Variants in BLTP3B observed in about 807,000 individuals in gnomAD.
The protein encoded by BLTP3B is UHRF1 (ICBP90) binding protein 1-like.
the BLTP3B span, among the ~76,000 whole-genome samples, chr12:100,112,858 CAAAAA>C: frequency 8.3e-5 from 5 of 60,592 alleles, no homozygotes; most frequent in Non-Finnish European, 1.4e-4. Context: ...GACTCCATCT[CAAAAA>C]AAAAAAAAAA....
chr12:100,060,614 A>G, the BLTP3B span, among the ~76,000 whole-genome samples: 1 of 152,320 alleles, frequency 6.6e-6, no homozygotes, highest in Non-Finnish European at 1.5e-5. Context: ...GGCCTATAAT[A>G]GTGCTTGGAG....
At chr12:100,039,479 C>T in the BLTP3B span, 89 of 1,104,044 alleles carry the variant, frequency 8.1e-5, 2 homozygotes, top group South Asian at 1.6e-3. Context: ...CACCTGGGCA[C>T]AATAACAAGC....
the BLTP3B span, among the ~76,000 whole-genome samples, chr12:100,099,012 C>G: frequency 6.8e-6 from 1 of 146,648 alleles, no homozygotes; most frequent in African/African-American, 2.5e-5. Context: ...TTTTTTTTCC[C>G]TAAGAGTCTC....
the BLTP3B span, chr12:100,108,523 T>C: frequency 6.2e-7 from 1 of 1,607,974 alleles, no homozygotes; most frequent in Non-Finnish European, 8.5e-7. Flanking sequence ...AGATTTATCT[T>C]GTCAGGAGAT....
the BLTP3B span, among the ~76,000 whole-genome samples, chr12:100,064,212 A>G: frequency 6.6e-6 from 1 of 152,204 alleles, no homozygotes; most frequent in South Asian, 2.1e-4. Flanking sequence ...AAGGTCTTTG[A>G]ATTAACCCAA....
At chr12:100,135,144 C>G in the BLTP3B span, among the ~76,000 whole-genome samples, 1 of 152,198 alleles carries the variant, frequency 6.6e-6, no homozygotes, top group Non-Finnish European at 1.5e-5. Flanking sequence ...TCTCACTTTA[C>G]TCTCTCCACC....
the BLTP3B span, chr12:100,047,659 AT>A: frequency 6.7e-7 from 1 of 1,497,080 alleles, no homozygotes; most frequent in Non-Finnish European, 9.3e-7. Context: ...GAAAAATAAC[AT>A]TGACATGTTA....
chr12:100,070,215 C>G, the BLTP3B span: 26 of 1,537,690 alleles, frequency 1.7e-5, no homozygotes, highest in Non-Finnish European at 2.3e-5. Flanking sequence ...CAAAACAAAA[C>G]AAAAAACCAC....
chr12:100,111,069 G>T, the BLTP3B span, among the ~76,000 whole-genome samples: 3 of 151,404 alleles, frequency 2.0e-5, no homozygotes, highest in East Asian at 5.8e-4. Context: ...CAATCTAAAC[G>T]TCCCAAGAGG....
At chr12:100,108,526 C>T in the BLTP3B span, 7 of 1,607,644 alleles carry the variant, frequency 4.4e-6, no homozygotes, top group Non-Finnish European at 5.9e-6. Context: ...TTTATCTTGT[C>T]AGGAGATAAA....
chr12:100,041,902 G>A, the BLTP3B span, among the ~76,000 whole-genome samples: 2 of 152,034 alleles, frequency 1.3e-5, no homozygotes, highest in Non-Finnish European at 2.9e-5. Flanking sequence ...AAACCTACTG[G>A]AAATAATCAA....
the BLTP3B span, among the ~76,000 whole-genome samples, chr12:100,122,503 G>A: frequency 6.6e-6 from 1 of 152,136 alleles, no homozygotes; most frequent in Non-Finnish European, 1.5e-5. Flanking sequence ...GCATTTACTA[G>A]GCATTGTAGC....
chr12:100,086,412 T>A, the BLTP3B span: 1 of 1,257,894 alleles, frequency 7.9e-7, no homozygotes, highest in Non-Finnish European at 1.1e-6. Flanking sequence ...CAGAAAGATT[T>A]AATTTACCAC....
the BLTP3B span, among the ~76,000 whole-genome samples, chr12:100,092,068 C>G: frequency 1.1e-4 from 16 of 152,152 alleles, no homozygotes; most frequent in Non-Finnish European, 2.1e-4. Context: ...CTCAGCCTCC[C>G]AAAGTACTGG....
the BLTP3B span, chr12:100,098,221 G>C: frequency 1.0e-6 from 1 of 971,348 alleles, no homozygotes. Flanking sequence ...CTGTCTCCCC[G>C]CACCCTCCCC....
the BLTP3B span, among the ~76,000 whole-genome samples, chr12:100,061,457 A>T: frequency 6.6e-6 from 1 of 152,126 alleles, no homozygotes; most frequent in Non-Finnish European, 1.5e-5. Context: ...GGAGATCGAG[A>T]CCATCCTGGC....
At chr12:100,134,874 A>AC in the BLTP3B span, among the ~76,000 whole-genome samples, 4 of 152,258 alleles carry the variant, frequency 2.6e-5, no homozygotes, top group South Asian at 8.3e-4. Context: ...TACACCTAGA[A>AC]CCTGACTATC....
chr12:100,068,720 C>G, the BLTP3B span, among the ~76,000 whole-genome samples: 137 of 152,240 alleles, frequency 9.0e-4, no homozygotes, highest in African/African-American at 3.1e-3. Context: ...AGAACATATA[C>G]AAATGGCCAA....
the BLTP3B span, chr12:100,108,274 TG>T: frequency 8.7e-7 from 1 of 1,154,752 alleles, no homozygotes; most frequent in Non-Finnish European, 1.2e-6. Flanking sequence ...TTAATAAAAA[TG>T]TTTTTACACA....
Sources: allele counts gnomAD v4.1 joint callset (sites outside exome capture counted in the v4.1 genomes callset), GRCh38; gene constraint gnomAD v4.1.1; transcripts MANE v1.5; gene names NCBI Gene and HGNC (gene_info 2026-07-23, HGNC 2026-07-21).